USP34: variants seen among roughly 807,000 people sequenced by gnomAD.
The protein encoded by USP34 is ubiquitin specific peptidase 34.
USP34 carries 70 observed loss-of-function variants against 460.3 expected under a neutral mutation model. That is an observed-to-expected ratio of 0.15 (90% CI 0.13 to 0.19). The LOEUF (loss-of-function observed/expected upper bound fraction) is 0.19. USP34 is among the 10% of genes least tolerant of loss of function. USP34 has a pLI of 1.00. For synonymous variants in USP34, 1,647 were observed against 1,405.3 expected (o/e 1.17, Z -3.85); for missense variants, 3,985 against 4,236.2 (o/e 0.94, Z 1.65).
At chr2:61,321,319 A>T (rs528065292) in intron 21 of USP34, among the ~76,000 whole-genome samples, 251 of 152,018 alleles carry the variant, frequency 1.7e-3, no homozygotes, top group African/African-American at 5.8e-3. Flanking sequence ...AAAAATACAA[A>T]AATTAGCTGG....
intron 2 of USP34, chr2:61,417,421 C>A: frequency 2.4e-6 from 1 of 423,348 alleles, no homozygotes; most frequent in Non-Finnish European, 4.4e-6. Context: ...AGCTATATGA[C>A]TGTTAAACAG....
chr2:61,210,624 A>T (rs1414974498), intron 69 of USP34, among the ~76,000 whole-genome samples: 2 of 152,234 alleles, frequency 1.3e-5, no homozygotes, highest in Non-Finnish European at 2.9e-5. Flanking sequence ...GTCTTCTTTC[A>T]TTAGATACCA....
At chr2:61,421,261 C>T (rs547449907) in intron 1 of USP34, among the ~76,000 whole-genome samples, 2 of 152,302 alleles carry the variant, frequency 1.3e-5, no homozygotes, top group African/African-American at 4.8e-5. Flanking sequence ...CTGATTCCAG[C>T]CTCCAGCTTA....
At chr2:61,430,937 G>C (rs537254518) in intron 1 of USP34, among the ~76,000 whole-genome samples, 64 of 152,226 alleles carry the variant, frequency 4.2e-4, no homozygotes, top group African/African-American at 1.5e-3. Flanking sequence ...CTGGGAGTTT[G>C]AGGCTCATAG....
At position 61,469,574 on chromosome 2, in the gene USP34, A is replaced by C. The variant is rs1459240550; in HGVS notation, c.43+1076T>G. Among the ~76,000 whole-genome samples, 7 of 152,228 alleles carry C rather than the reference A, an allele frequency of 4.6e-5. No individual in the cohort carries two copies. The South Asian group carries it at 1.4e-3, about 31-fold the overall frequency. ...ACTTTTATTATTGTCTTTGGTCATT[A>C]AAGTGACAGTCAAACACAAATACCA... On this transcript the variant is annotated intron_variant, in intron 1 of 79. Coordinates refer to ENST00000398571, the MANE Select transcript of USP34 (RefSeq NM_014709.4).
At chr2:61,331,721 G>A (rs1691273539) in intron 19 of USP34, among the ~76,000 whole-genome samples, 1 of 151,786 alleles carries the variant, frequency 6.6e-6, no homozygotes, top group African/African-American at 2.4e-5. Context: ...CATACAGAAG[G>A]CATACAATAA....
chr2:61,198,522 A>G (rs987315101), intron 75 of USP34, among the ~76,000 whole-genome samples: 1 of 150,194 alleles, frequency 6.7e-6, no homozygotes, highest in African/African-American at 2.5e-5. Context: ...CCCAAACCAT[A>G]TGGGTATCAT....
intron 75 of USP34, among the ~76,000 whole-genome samples, chr2:61,196,071 T>G (rs1224228187): frequency 1.0e-5 from 1 of 96,152 alleles, no homozygotes; most frequent in Admixed American, 9.6e-5. Flanking sequence ...CATGCACGAT[T>G]TTTTTTTTTT....
At chr2:61,428,834 A>T (rs1351059677) in intron 1 of USP34, among the ~76,000 whole-genome samples, 1 of 152,190 alleles carries the variant, frequency 6.6e-6, no homozygotes, top group Non-Finnish European at 1.5e-5. Context: ...GAGAGAAAAG[A>T]ATTATGTATT....
intron 1 of USP34, among the ~76,000 whole-genome samples, chr2:61,462,997 T>G (rs1381713500): frequency 1.3e-5 from 2 of 150,830 alleles, no homozygotes; most frequent in African/African-American, 4.9e-5. Flanking sequence ...TTCATTGCAC[T>G]CCAGCCTGGA....
At chr2:61,400,343 T>G (rs1467776835) in intron 3 of USP34, among the ~76,000 whole-genome samples, 2 of 152,052 alleles carry the variant, frequency 1.3e-5, no homozygotes, top group Non-Finnish European at 2.9e-5. Context: ...TCTCCTGACC[T>G]TGTGATCCAC....
chr2:61,276,215 G>A (rs1380692172), intron 41 of USP34, among the ~76,000 whole-genome samples: 1 of 152,160 alleles, frequency 6.6e-6, no homozygotes, highest in Non-Finnish European at 1.5e-5. Flanking sequence ...AGTGTAAAAT[G>A]ATGTATCCTT....
intron 1 of USP34, among the ~76,000 whole-genome samples, chr2:61,437,930 A>C (rs1694862968): frequency 6.6e-6 from 1 of 152,082 alleles, no homozygotes; most frequent in Non-Finnish European, 1.5e-5. Context: ...TATTTACAGA[A>C]GAATGAATAC....
chr2:61,294,883 C>T (rs542614021), intron 32 of USP34, 66 bp downstream of exon 32: 49 of 1,270,760 alleles, frequency 3.9e-5, no homozygotes, highest in Admixed American at 1.9e-4. Flanking sequence ...AATTATGGTA[C>T]CCACTTTTGA....
intron 1 of USP34, among the ~76,000 whole-genome samples, chr2:61,453,286 C>A (rs187162911): frequency 8.9e-4 from 135 of 152,054 alleles, no homozygotes; most frequent in African/African-American, 3.2e-3. Flanking sequence ...TGGTGGCCTG[C>A]GCCTATAATC....
intron 21 of USP34, among the ~76,000 whole-genome samples, chr2:61,320,930 A>T (rs957179869): frequency 1.3e-5 from 2 of 152,014 alleles, no homozygotes; most frequent in Non-Finnish European, 2.9e-5. Flanking sequence ...GAATCGCTGG[A>T]ACCCGGGAGG....
At chr2:61,464,040 T>C (rs566391989) in intron 1 of USP34, among the ~76,000 whole-genome samples, 36 of 152,212 alleles carry the variant, frequency 2.4e-4, no homozygotes, top group Admixed American at 2.1e-3. Flanking sequence ...ACACAAACTA[T>C]TCAATAAAGT....
At chr2:61,417,459 C>G (rs988899714) in intron 2 of USP34, 7 of 335,760 alleles carry the variant, frequency 2.1e-5, no homozygotes, top group Non-Finnish European at 4.1e-5. Flanking sequence ...ACAGATAATA[C>G]TTGATCACAC....
intron 29 of USP34, among the ~76,000 whole-genome samples, chr2:61,299,978 T>G (rs183299501): frequency 6.6e-6 from 1 of 152,248 alleles, no homozygotes; most frequent in Admixed American, 6.5e-5. Flanking sequence ...TTCCTTCTCC[T>G]CTTCATTCCC....
Sources: allele counts gnomAD v4.1 joint callset (sites outside exome capture counted in the v4.1 genomes callset), GRCh38; gene constraint gnomAD v4.1.1; transcripts MANE v1.5; gene names NCBI Gene and HGNC (gene_info 2026-07-23, HGNC 2026-07-21).